Variants in NTRK3 observed in about 807,000 individuals in gnomAD.
The protein encoded by NTRK3 is NT-3 growth factor receptor.
NTRK3 carries 24 observed loss-of-function variants against 91.7 expected under a neutral mutation model. The ratio of observed to expected loss-of-function variants is 0.26; its 90% confidence interval spans 0.19 to 0.37. The LOEUF (loss-of-function observed/expected upper bound fraction) is 0.37, where lower values mean the gene tolerates loss of function less well. Among genes scored for constraint, NTRK3 ranks in the 10% least tolerant of loss-of-function variants. The pLI, the probability that NTRK3 is intolerant of heterozygous loss-of-function variation, is 1.00. For synonymous variants in NTRK3, 483 were observed against 404.0 expected (o/e 1.20, Z -2.34); for missense variants, 880 against 1,068.9 (o/e 0.82, Z 2.46).
chr15:88,155,490 G>C (rs1268675006), intron 5 of NTRK3, among the ~76,000 whole-genome samples: 3 of 152,194 alleles, frequency 2.0e-5, no homozygotes, highest in African/African-American at 7.2e-5. Flanking sequence ...AATTTGTGTT[G>C]TATTACGTCA....
chr15:88,015,496 C>G (rs1284269808), intron 14 of NTRK3, among the ~76,000 whole-genome samples: 1 of 152,022 alleles, frequency 6.6e-6, no homozygotes, highest in African/African-American at 2.4e-5. Context: ...AGCGTCCTAG[C>G]TCAAACACTC....
intron 5 of NTRK3, among the ~76,000 whole-genome samples, chr15:88,181,081 C>T (rs2046413797): frequency 6.6e-6 from 1 of 151,982 alleles, no homozygotes. Flanking sequence ...CCTGACTTGC[C>T]CCTAATGCAC....
chr15:88,056,197 TATA>T (rs1194083615), intron 13 of NTRK3, among the ~76,000 whole-genome samples: 8 of 95,636 alleles, frequency 8.4e-5, no homozygotes, highest in Admixed American at 2.9e-4. Context: ...TATATATATA[TATA>T]TATTTTTTTT....
intron 13 of NTRK3, among the ~76,000 whole-genome samples, chr15:88,064,833 A>C (rs1265489993): frequency 6.6e-6 from 1 of 152,126 alleles, no homozygotes; most frequent in Non-Finnish European, 1.5e-5. Flanking sequence ...ACCCTTACCC[A>C]CATGCAATGG....
chr15:87,863,500 G>T (rs891144991), exon 19 of NTRK3: 1 of 217,748 alleles, frequency 4.6e-6, no homozygotes, highest in African/African-American at 2.3e-5. Context: ...TCAGGTGACA[G>T]GCCTCAAAAC....
In NTRK3 at chr15:88,243,035, A is replaced by G. The variant is rs988653075; in HGVS notation, c.248+12871T>C. On this transcript the variant is annotated intron_variant, in intron 3 of 18. Coordinates refer to ENST00000394480, the Ensembl canonical transcript of NTRK3. This position sits in a 1 kb window ranked among gnomAD's most constrained non-coding sequence, Gnocchi z 4.8. ...ACGGAGGAGGAGGAGCTGCAGCTGC[A>G]GGCCCTAAAAATTAGGCCCTTCTTT... Among the ~76,000 whole-genome samples the G allele has an allele frequency of 6.6e-6, 1 of 152,222 alleles. No homozygotes were observed. The highest frequency in any genetic ancestry group is 2.4e-5 in the African/African-American group (1 of 41,468).
chr15:88,126,302 T>G (rs1316688862), exon 13 of NTRK3: 2 of 1,614,102 alleles, frequency 1.2e-6, no homozygotes, highest in Admixed American at 3.3e-5. Context: ...GTCGACCATA[T>G]TTGTTGATCA....
chr15:87,883,160 T>C lies in NTRK3; in HGVS notation c.2134-2732A>G, dbSNP rs187489173. The stretch of plus-strand genomic sequence containing the variant: ...ACAGATATATATAGCCAATTACATT[T>C]CTTTTATTGTGATTTACACGTTGTC... On this transcript the variant is annotated intron_variant, in intron 17 of 18. Transcript: ENST00000394480. Among the ~76,000 whole-genome samples the C allele has an allele frequency of 3.8e-3, 576 of 151,182 alleles. 8 individuals carry two copies. Among genetic ancestry groups the C allele is most frequent in the Non-Finnish European group, 4.1e-3 (275 of 67,580 alleles).
intron 5 of NTRK3, among the ~76,000 whole-genome samples, chr15:88,156,068 C>A (rs772374673): frequency 6.6e-6 from 1 of 152,186 alleles, no homozygotes; most frequent in Non-Finnish European, 1.5e-5. Flanking sequence ...AGGTAGAAAA[C>A]TGTCATTATA....
At chr15:87,966,075 C>G (rs2072765055) in intron 14 of NTRK3, among the ~76,000 whole-genome samples, 1 of 77,420 alleles carries the variant, frequency 1.3e-5, no homozygotes, top group Admixed American at 1.2e-4. Flanking sequence ...AAAACTGTCT[C>G]AAACAAACAA....
intron 17 of NTRK3, among the ~76,000 whole-genome samples, chr15:87,920,293 G>A (rs1425922300): frequency 1.3e-5 from 2 of 152,206 alleles, no homozygotes; most frequent in African/African-American, 4.8e-5. Flanking sequence ...TCCCTCAGCA[G>A]CTCTGTACAA....
chr15:88,049,888 C>T (rs2142270098), intron 13 of NTRK3, among the ~76,000 whole-genome samples: 1 of 152,302 alleles, frequency 6.6e-6, no homozygotes, highest in East Asian at 1.9e-4. Context: ...CCAGAGAAAG[C>T]TATAGGAAAG....
rs535639002 is a variant in NTRK3 at position 88,016,498 on chromosome 15, T to C, written c.1585+16359A>G. ...TTGGATCACTTTGCTGAAAACAAGA[T>C]GAAGGAATGGGCTAAGCTGTGTCAG... is the stretch of plus-strand genomic sequence containing the variant. On this transcript the variant is annotated intron_variant, in intron 14 of 18. Transcript: ENST00000394480. Among the ~76,000 whole-genome samples the C allele has an allele frequency of 6.6e-5, 10 of 152,336 alleles. No individual in the cohort carries two copies. In the South Asian group the frequency reaches 2.1e-3, roughly 32 times the overall value.
At chr15:87,911,619 A>G (rs2067092269) in intron 17 of NTRK3, among the ~76,000 whole-genome samples, 1 of 152,196 alleles carries the variant, frequency 6.6e-6, no homozygotes, top group Admixed American at 6.5e-5. Flanking sequence ...GTGGGTGAGG[A>G]ACACATTGCA....
At chr15:88,197,038 T>C (rs79323772) in intron 3 of NTRK3, among the ~76,000 whole-genome samples, 1 of 132,914 alleles carries the variant, frequency 7.5e-6, no homozygotes, top group Non-Finnish European at 1.5e-5. Context: ...TACTAGTGGG[T>C]TGGCAAGAGC....
At chr15:87,936,884 T>A (rs2069336282) in intron 15 of NTRK3, among the ~76,000 whole-genome samples, 1 of 152,238 alleles carries the variant, frequency 6.6e-6, no homozygotes, top group African/African-American at 2.4e-5. Flanking sequence ...GGCTTCCCAG[T>A]GTTTGTAGTA....
At chr15:88,107,620 CA>C (rs141202159) in intron 13 of NTRK3, among the ~76,000 whole-genome samples, 15 of 152,160 alleles carry the variant, frequency 9.9e-5, no homozygotes, top group African/African-American at 3.6e-4. Flanking sequence ...CTCCCTGGCC[CA>C]ATTGTGGCCC....
At chr15:88,122,282 C>A (rs888476333) in intron 13 of NTRK3, among the ~76,000 whole-genome samples, 9 of 152,270 alleles carry the variant, frequency 5.9e-5, no homozygotes, top group African/African-American at 2.2e-4. Context: ...TGTTTACCAG[C>A]CTTAGCCACT....
At chr15:88,236,122 C>T (rs114169166) in intron 3 of NTRK3, among the ~76,000 whole-genome samples, 2,954 of 152,216 alleles carry the variant, frequency 0.019, 96 homozygotes, top group African/African-American at 0.063. Flanking sequence ...TGAAAGCCTA[C>T]GTTCACAAAA....
Sources: allele counts gnomAD v4.1 joint callset (sites outside exome capture counted in the v4.1 genomes callset), GRCh38; gene constraint gnomAD v4.1.1; non-coding constraint Gnocchi (gnomAD v3.1); transcripts MANE v1.5; gene names NCBI Gene and HGNC (gene_info 2026-07-23, HGNC 2026-07-21).